ZNF547: variants seen among roughly 807,000 people sequenced by gnomAD.
The protein encoded by ZNF547 is zinc finger protein 547.
ZNF547 carries 4 observed loss-of-function variants against 7.7 expected under a neutral mutation model. The observed-to-expected ratio is 0.52, with a 90% CI of 0.26 to 1.20. The LOEUF (loss-of-function observed/expected upper bound fraction) is 1.20. ZNF547 is among the 50% of genes most tolerant of loss of function. The probability of loss-of-function intolerance (pLI) is 0.14; values close to 1 mark genes in which losing one functional copy is unlikely to be tolerated. For synonymous variants in ZNF547, 166 were observed against 166.2 expected, an observed-to-expected ratio of 1.00 and a Z score of 0.01; for missense variants, 449 against 485.8, an observed-to-expected ratio of 0.92 and a Z score of 0.71.
intron 1 of ZNF547, chr19:57,368,194 T>C (rs1297083610): frequency 5.2e-6 from 1 of 193,786 alleles, no homozygotes; most frequent in Non-Finnish European, 1.0e-5. Context: ...GTTTTTGAAA[T>C]TCTACTACAT....
intron 1 of ZNF547, 119 bp from the exon 2 acceptor site, chr19:57,368,423 GTT>G: frequency 1.1e-6 from 1 of 874,220 alleles, no homozygotes; most frequent in East Asian, 2.5e-5. Context: ...GAGGAGCTGA[GTT>G]TATACAATCA....
rs188847121 is a variant in ZNF547, at chr19:57,364,971, C to T, written c.-13+1268C>T. On this transcript the variant is annotated intron_variant, in intron 1 of 3. Transcript: ENST00000282282. ...ACCAGTTCATAGCTCATGCTGCTCT[C>T]GACCTCGTAGATGAGAACATGTGGC... 55 of 1,612,956 alleles carry T rather than the reference C, an allele frequency of 3.4e-5. No homozygotes were observed. In the Admixed American group the frequency reaches 6.0e-4, roughly 18 times the overall value.
chr19:57,373,906 T>G (rs1235475971), intron 3 of ZNF547, among the ~76,000 whole-genome samples: 1 of 152,186 alleles, frequency 6.6e-6, no homozygotes, highest in Non-Finnish European at 1.5e-5. Context: ...TCTGGCTTTT[T>G]CAGGCACACG....
intron 3 of ZNF547, among the ~76,000 whole-genome samples, chr19:57,373,834 C>T (rs983682688): frequency 1.3e-5 from 2 of 152,200 alleles, no homozygotes; most frequent in African/African-American, 4.8e-5. Context: ...CAACTCTGCC[C>T]CTGTGGCTTT....
Position 57,379,109 on chromosome 19 carries a change from G to A in ZNF547, c.*924G>A, listed in dbSNP as rs114050920. On this transcript the variant is annotated 3_prime_UTR_variant, in exon 4 of 4. Coordinates refer to ENST00000282282, the MANE Select transcript of ZNF547 (RefSeq NM_173631.4). Reference sequence around the variant, plus strand: ...GGACACTTGGGTTACTTCTACCTCTGGCTATTGTGAATATTGCTACTACAA... The same window carrying A: ...GGACACTTGGGTTACTTCTACCTCTAGCTATTGTGAATATTGCTACTACAA... The A allele has an allele frequency of 6.4e-6, 1 of 156,440 alleles. No homozygotes were observed. The highest frequency in any genetic ancestry group is 2.4e-5 in the African/African-American group (1 of 41,522). The allele number at this position is 156,440 out of a possible 1,614,324, so 9.7% of individuals were successfully genotyped here. A position where few individuals can be genotyped will look rare whatever the true frequency, so the allele number is the denominator to read the frequency against.
chr19:57,377,774 G>A lies in ZNF547; in HGVS notation c.798G>A (p.Arg266=), dbSNP rs977510937. ...ATCAGAGGGTTCACACTGGAAAGAG[G>A]CCTTATGGTTGCAGTGAATGTGGGA... ...ITHQRVHTGK[R]PYGCSECGKF... Residue 266 remains arginine, a synonymous_variant, in exon 4 of 4, where the codon AGG becomes AGA. Coordinates refer to ENST00000282282, the MANE Select transcript of ZNF547 (RefSeq NM_173631.4). 4 of 1,614,170 alleles carry A rather than the reference G, an allele frequency of 2.5e-6. No homozygotes were observed. The highest frequency in any genetic ancestry group is 3.3e-5 in the Admixed American group (2 of 60,032).
At chr19:57,368,612 AG>A in intron 2 of ZNF547, 33 bp downstream of exon 2, 1 of 1,612,616 alleles carries the variant, frequency 6.2e-7, no homozygotes. Flanking sequence ...TTCACCTACC[AG>A]TTATCTCATA....
chr19:57,364,543 C>T (rs553140493), intron 1 of ZNF547: 21 of 455,822 alleles, frequency 4.6e-5, no homozygotes, highest in South Asian at 4.2e-4. Context: ...GCGTTCAAGA[C>T]CAGCCTGACC....
chr19:57,374,610 C>T (rs2088525345), intron 3 of ZNF547, among the ~76,000 whole-genome samples: 1 of 152,240 alleles, frequency 6.6e-6, no homozygotes. Context: ...TGCAAATTTT[C>T]CAAACTTTTC....
intron 3 of ZNF547, 152 bp from the exon 4 acceptor site, chr19:57,376,976 G>A (rs1313527424): frequency 1.4e-6 from 1 of 737,582 alleles, no homozygotes; most frequent in South Asian, 2.0e-5. Context: ...CTGCTCAGCT[G>A]TTAGTGAGAC....
Position 57,378,551 on chromosome 19 carries a change from C to A in ZNF547, c.*366C>A. The A allele has an allele frequency of 2.4e-6, 1 of 411,292 alleles. No homozygotes were observed. The highest frequency in any genetic ancestry group is 4.7e-6 in the Non-Finnish European group (1 of 211,092). The allele number at this position is 411,292 out of a possible 1,614,324, so 25.5% of individuals were successfully genotyped here. ...ACAGCAAATGTGTGACATTATTTTGCTACTACTCCACACTACTTAGACATC... is the reference window on the plus strand; with the variant it reads ...ACAGCAAATGTGTGACATTATTTTGATACTACTCCACACTACTTAGACATC... On this transcript the variant is annotated 3_prime_UTR_variant, in exon 4 of 4. Transcript: ENST00000282282.
In ZNF547 at chr19:57,379,538, C is replaced by T. The variant is rs1202965010; in HGVS notation, c.*1353C>T. 2.0e-5 allele frequency: 3 copies of T among 152,160 alleles called. No homozygotes were observed. The highest frequency in any genetic ancestry group is 6.6e-5 in the Admixed American group (1 of 15,260). The allele number at this position is 152,160 out of a possible 1,614,324, so 9.4% of individuals were successfully genotyped here. On this transcript the variant is annotated 3_prime_UTR_variant, in exon 4 of 4. Coordinates refer to ENST00000282282, the MANE Select transcript of ZNF547 (RefSeq NM_173631.4). ...AGGAAATAGCTTGTCATCTTTGATA[C>T]AAAACAGAAATCTTTGCAAAATACC...
In ZNF547 at chr19:57,378,591, G is replaced by T; in HGVS notation, c.*406G>T. ...ACTTAGACATCATGTAGTTCACACT[G>T]GAAAAAGGCCACGTATGTGCCTTGA... is the stretch of plus-strand genomic sequence containing the variant. On this transcript the variant is annotated 3_prime_UTR_variant, in exon 4 of 4. Coordinates refer to ENST00000282282, the MANE Select transcript of ZNF547 (RefSeq NM_173631.4). 2.7e-6 allele frequency: 1 copy of T among 366,970 alleles called. No homozygotes were observed. The highest frequency in any genetic ancestry group is 5.3e-6 in the Non-Finnish European group (1 of 188,582). 22.7% of individuals were successfully genotyped at this position (366,970 alleles called of 1,614,324 possible).
At chr19:57,364,749 G>A (rs890812303) in intron 1 of ZNF547, 1 of 1,148,540 alleles carries the variant, frequency 8.7e-7, no homozygotes, top group Non-Finnish European at 1.3e-6. Flanking sequence ...TCAAAAAAAG[G>A]TGCGGAGCGC....
intron 2 of ZNF547, 101 bp from the exon 3 acceptor site, chr19:57,371,681 T>C: frequency 6.7e-7 from 1 of 1,500,432 alleles, no homozygotes; most frequent in East Asian, 2.3e-5. Flanking sequence ...AGTTTGTCCC[T>C]GTGTTTAATG....
At chr19:57,366,096 C>T (rs1200014416) in intron 1 of ZNF547, among the ~76,000 whole-genome samples, 7 of 152,004 alleles carry the variant, frequency 4.6e-5, no homozygotes, top group Non-Finnish European at 1.5e-5. Context: ...AACTCCTGAC[C>T]TCGTGATCCG....
At chr19:57,366,448 T>C (rs553867339) in intron 1 of ZNF547, among the ~76,000 whole-genome samples, 1 of 146,438 alleles carries the variant, frequency 6.8e-6, no homozygotes, top group South Asian at 2.2e-4. Context: ...GACCTCAGGT[T>C]ATCTGCCTGC....
At chr19:57,369,833 T>C (rs1036291483) in intron 2 of ZNF547, among the ~76,000 whole-genome samples, 5 of 148,542 alleles carry the variant, frequency 3.4e-5, no homozygotes, top group African/African-American at 1.2e-4. Context: ...TGTTTTCATA[T>C]TGCTACAAAG....
chr19:57,371,482 G>A (rs2088504087), intron 2 of ZNF547: 1 of 316,712 alleles, frequency 3.2e-6, no homozygotes, highest in South Asian at 8.1e-5. Context: ...TGGCTGTCAG[G>A]ATAGTTTGGC....
Sources: gnomAD v4.1 joint callset for allele counts (sites outside exome capture counted in the v4.1 genomes callset) on GRCh38, gnomAD v4.1.1 for gene constraint, MANE v1.5 for transcripts, NCBI Gene and HGNC (gene_info 2026-07-23, HGNC 2026-07-21) for gene names.